The following SLC9A7 variants were observed in gnomAD, a reference collection of about 807,000 sequenced individuals.
SLC9A7 encodes the protein solute carrier family 9 member A7.
SLC9A7 carries 19 observed loss-of-function variants against 52.6 expected under a neutral mutation model. The ratio of observed to expected loss-of-function variants is 0.36; its 90% CI spans 0.25 to 0.53. The LOEUF (loss-of-function observed/expected upper bound fraction) is 0.53, where lower values mean the gene tolerates loss of function less well. Among genes scored for constraint, SLC9A7 ranks in the 20% least tolerant of loss-of-function variants. The pLI is 0.91. For missense variants in SLC9A7, 455 were observed against 597.9 expected (o/e 0.76, Z 2.49); for synonymous variants, 226 against 252.1 (o/e 0.90, Z 0.98).
chrX:46,645,763 GAC>G (rs763926833), intron 11 of SLC9A7, among the ~76,000 whole-genome samples: 2 of 110,531 alleles, frequency 1.8e-5, no homozygotes, highest in East Asian at 2.8e-4. Context: ...GGCAGTGAAA[GAC>G]ACACTTGGAC....
At chrX:46,701,258 T>C (rs1944526428) in intron 1 of SLC9A7, among the ~76,000 whole-genome samples, 1 of 111,714 alleles carries the variant, frequency 9.0e-6, no homozygotes, top group Non-Finnish European at 1.9e-5. Flanking sequence ...AAATTAATTA[T>C]CAAATATACT....
At chrX:46,631,679 G>T in intron 13 of SLC9A7, 30 bp from the exon 14 acceptor site, 1 of 1,140,964 alleles carries the variant, frequency 8.8e-7, no homozygotes, top group East Asian at 3.0e-5. Flanking sequence ...AAGACAAAGA[G>T]AAAAACAGAG....
At chrX:46,628,388 T>C (rs772964417) in intron 14 of SLC9A7, among the ~76,000 whole-genome samples, 1 of 112,246 alleles carries the variant, frequency 8.9e-6, no homozygotes, top group Non-Finnish European at 1.9e-5. Flanking sequence ...CACTGAGTTT[T>C]GTTTTTTGTT....
chrX:46,749,304 T>C (rs1922063522), intron 1 of SLC9A7, among the ~76,000 whole-genome samples: 1 of 112,338 alleles, frequency 8.9e-6, no homozygotes, highest in Admixed American at 9.4e-5. Flanking sequence ...GGCACTGTTC[T>C]AGGGTCTGGG....
chrX:46,706,088 G>C (rs1273704182), intron 1 of SLC9A7, among the ~76,000 whole-genome samples: 2 of 108,271 alleles, frequency 1.8e-5, no homozygotes, highest in Non-Finnish European at 3.8e-5. Flanking sequence ...GAACTCACTG[G>C]ATATTTGACA....
In SLC9A7 at chrX:46,669,839, A is replaced by G. The variant is rs779131833; in HGVS notation, c.681-120T>C. ...TTTATGAAAACAACAGGCAGCTGCC[A>G]TGGTTTCACACTTACCAGAGACATT... On this transcript the variant is annotated intron_variant, in intron 4 of 16. Coordinates refer to ENST00000616978, the MANE Select transcript of SLC9A7 (RefSeq NM_001257291.2). 938 of 360,168 alleles carry G rather than the reference A, an allele frequency of 2.6e-3. 6 individuals are homozygous for G. The highest frequency in any genetic ancestry group is 0.023 in the Middle Eastern group (40 of 1,749). The allele number at this position is 360,168 out of a possible 1,213,427, so 29.7% of individuals were successfully genotyped here.
chrX:46,664,502 G>C (rs1158245266), intron 5 of SLC9A7, among the ~76,000 whole-genome samples: 1 of 111,672 alleles, frequency 9.0e-6, no homozygotes, highest in African/African-American at 3.3e-5. Flanking sequence ...CCAAACAAAT[G>C]TTCAGTTTAG....
chrX:46,681,809 G>T (rs1944213654), intron 2 of SLC9A7, among the ~76,000 whole-genome samples: 2 of 112,170 alleles, frequency 1.8e-5, no homozygotes, highest in South Asian at 7.4e-4. Flanking sequence ...CAAATTCTAA[G>T]ACAACAAGAT....
At chrX:46,725,752 T>C (rs1944934604) in intron 1 of SLC9A7, 2 of 1,024,316 alleles carry the variant, frequency 2.0e-6, no homozygotes, top group South Asian at 1.9e-5. Flanking sequence ...CTGTCCACCA[T>C]GTCAATGCAG....
At chrX:46,662,480 G>A in intron 6 of SLC9A7, 58 bp downstream of exon 6, 1 of 882,616 alleles carries the variant, frequency 1.1e-6, no homozygotes, top group East Asian at 3.2e-5. Flanking sequence ...TCTGAATTTA[G>A]CCCAAAGCAT....
intron 1 of SLC9A7, among the ~76,000 whole-genome samples, chrX:46,724,863 A>G (rs1944918310): frequency 8.9e-6 from 1 of 111,986 alleles, no homozygotes. Context: ...CCATTTCCTT[A>G]GTTTTATTTC....
intron 1 of SLC9A7, among the ~76,000 whole-genome samples, chrX:46,746,255 G>T (rs996873618): frequency 9.0e-6 from 1 of 111,040 alleles, no homozygotes; most frequent in African/African-American, 3.3e-5. Flanking sequence ...CTTGAACCCG[G>T]GAGGCAGAGG....
At chrX:46,613,998 A>C (rs1942902365) in intron 15 of SLC9A7, among the ~76,000 whole-genome samples, 1 of 111,257 alleles carries the variant, frequency 9.0e-6, no homozygotes, top group South Asian at 3.7e-4. Context: ...ACCATTCTTC[A>C]CTCTACCCAC....
rs1922882623 is a variant in SLC9A7, at chrX:46,758,777, T to C, written c.253A>G (p.Ile85Val). 1 of 1,203,734 alleles carries C rather than the reference T, an allele frequency of 8.3e-7. No individual in the cohort carries two copies. Among genetic ancestry groups the C allele is most frequent in the African/African-American group, 1.7e-5 (1 of 57,435 alleles). Reference protein sequence around the residue: ...LTFILLLTLTILTIWLFKHRR... With the variant: ...LTFILLLTLTVLTIWLFKHRR... ...TGCTTGAAGAGCCAGATGGTGAGGATGGTGAGCGTGAGCAGCAGGATGAAG... is the reference window on the plus strand; with the variant it reads ...TGCTTGAAGAGCCAGATGGTGAGGACGGTGAGCGTGAGCAGCAGGATGAAG... Residue 85 changes from isoleucine (I) to valine (V), a missense_variant, in exon 1 of 17, where the codon ATC becomes GTC. By Grantham distance (29) the Ile-to-Val change is conservative (BLOSUM62 3). Around this residue, in one of 3 missense-constraint regions of SLC9A7, gnomAD observed 304 missense variants for 417.8 expected, o/e 0.73. Transcript: ENST00000616978.
At chrX:46,650,969 G>T in intron 10 of SLC9A7, 141 bp downstream of exon 10, 1 of 212,497 alleles carries the variant, frequency 4.7e-6, no homozygotes, top group Non-Finnish European at 8.3e-6. Context: ...ACCCAAAACA[G>T]AAATAGTAAT....
At chrX:46,629,894 T>C (rs1049902845) in intron 14 of SLC9A7, among the ~76,000 whole-genome samples, 8 of 111,881 alleles carry the variant, frequency 7.2e-5, no homozygotes, top group Admixed American at 4.7e-4. Flanking sequence ...TCCTGTTTTC[T>C]AAAGTCCTTA....
chrX:46,737,640 G>A (rs1945141329), intron 1 of SLC9A7, among the ~76,000 whole-genome samples: 1 of 111,729 alleles, frequency 9.0e-6, no homozygotes. Context: ...TTTCCCACAA[G>A]GACTGGATAT....
At position 46,682,406 on chromosome X, in the gene SLC9A7, T is replaced by C. The variant is rs756396128; in HGVS notation, c.455A>G (p.Glu152Gly). 91 of 1,209,512 alleles carry C rather than the reference T, an allele frequency of 7.5e-5. No individual in the cohort carries two copies. The highest frequency in any genetic ancestry group is 9.6e-5 in the Non-Finnish European group (86 of 894,992). Reference protein sequence around the residue: ...LLVNVSGKFFEYTLKGEISPG... With the variant: ...LLVNVSGKFFGYTLKGEISPG... ...ACTGATTTCTCCTTTCAGAGTGTATTCGAAGAACTTTCCGCTGACATTCAC... is the reference window on the plus strand; with the variant it reads ...ACTGATTTCTCCTTTCAGAGTGTATCCGAAGAACTTTCCGCTGACATTCAC... Residue 152 changes from glutamate to glycine, a missense_variant, in exon 2 of 17, where the codon GAA becomes GGA. Around this residue, in one of 3 missense-constraint regions of SLC9A7, gnomAD observed 304 missense variants for 417.8 expected, o/e 0.73. Coordinates refer to ENST00000616978, the MANE Select transcript of SLC9A7 (RefSeq NM_001257291.2).
intron 3 of SLC9A7, among the ~76,000 whole-genome samples, chrX:46,678,396 G>A (rs1231927106): frequency 1.2e-5 from 1 of 83,578 alleles, no homozygotes; most frequent in Non-Finnish European, 2.5e-5. Context: ...TATTTGTAAA[G>A]ATATCTGGCA....
Sources: allele counts gnomAD v4.1 joint callset (sites outside exome capture counted in the v4.1 genomes callset), GRCh38; gene constraint gnomAD v4.1.1; regional missense constraint gnomAD v4.1.1; transcripts MANE v1.5; gene names NCBI Gene and HGNC (gene_info 2026-07-23, HGNC 2026-07-21).